LTBP2: variants seen among roughly 807,000 people sequenced by gnomAD.
The protein encoded by LTBP2 is latent-transforming growth factor beta-binding protein 2.
LTBP2 carries 103 observed loss-of-function variants against 210.6 expected under a neutral mutation model. The observed-to-expected ratio is 0.49, with a 90% CI of 0.42 to 0.58. The LOEUF is 0.58. Ranked by LOEUF, LTBP2 falls within the 20% of genes least tolerant of loss-of-function variation. The probability of loss-of-function intolerance (pLI) is 0.00; values close to 1 mark genes in which losing one functional copy is unlikely to be tolerated. For synonymous variants in LTBP2, 1,007 were observed against 1,015.0 expected (o/e 0.99, Z 0.15); for missense variants, 2,313 against 2,494.5 (o/e 0.93, Z 1.55).
intron 3 of LTBP2, among the ~76,000 whole-genome samples, chr14:74,570,484 C>A (rs2087960850): frequency 1.3e-5 from 2 of 152,224 alleles, no homozygotes; most frequent in South Asian, 4.1e-4. Flanking sequence ...TTTCCGCTCT[C>A]ACAGGGGCTG....
intron 5 of LTBP2, among the ~76,000 whole-genome samples, 171 bp downstream of exon 5, chr14:74,552,721 A>G (rs2087676820): frequency 6.9e-6 from 1 of 145,588 alleles, no homozygotes; most frequent in African/African-American, 2.8e-5. Flanking sequence ...TGTGACTCCT[A>G]GAGTCACACA....
In LTBP2 at chr14:74,536,072, G is replaced by A. The variant is rs4899522; in HGVS notation, c.1790-72C>T. 0.34 allele frequency: 461,494 copies of A among 1,366,962 alleles called. 80,239 individuals carry two copies. Among genetic ancestry groups the A allele is most frequent in the East Asian group, 0.37 (16,175 of 43,212 alleles). The allele number at this position is 1,366,962 out of a possible 1,614,324, so 84.7% of individuals were successfully genotyped here. On this transcript the variant is annotated intron_variant, in intron 8 of 35. Transcript: ENST00000261978. ...TCCTCTGTCACCCATGCTGGGAAGC[G>A]GGTGCAGTCTGGATGTCCAGCCCAC...
intron 28 of LTBP2, among the ~76,000 whole-genome samples, chr14:74,505,442 T>C (rs750304524): frequency 4.6e-5 from 7 of 152,286 alleles, no homozygotes; most frequent in Non-Finnish European, 7.4e-5. Flanking sequence ...TGACCCCAGT[T>C]CCTCCTCCCC....
chr14:74,564,141 A>G (rs1343980203), intron 3 of LTBP2, among the ~76,000 whole-genome samples: 5 of 30,624 alleles, frequency 1.6e-4, no homozygotes, highest in Non-Finnish European at 2.3e-4. Context: ...ATATATTTAT[A>G]TATATATATT....
At chr14:74,565,884 T>TTCTA (rs1485287154) in intron 3 of LTBP2, among the ~76,000 whole-genome samples, 42 of 152,150 alleles carry the variant, frequency 2.8e-4, no homozygotes, top group African/African-American at 9.9e-4. Context: ...ATGGTCTCAG[T>TTCTA]TCTAAGTCTT....
intron 2 of LTBP2, among the ~76,000 whole-genome samples, chr14:74,600,630 C>T (rs2088433719): frequency 6.6e-6 from 1 of 152,142 alleles, no homozygotes; most frequent in African/African-American, 2.4e-5. Context: ...ACCCCTGGGG[C>T]AGCTGGGGAA....
intron 8 of LTBP2, among the ~76,000 whole-genome samples, chr14:74,541,687 G>T (rs1409776801): frequency 6.6e-6 from 1 of 151,902 alleles, no homozygotes; most frequent in East Asian, 1.9e-4. Context: ...GGAGGTACCT[G>T]CCCAGTAGAA....
chr14:74,513,190 G>T (rs773533018), intron 18 of LTBP2, among the ~76,000 whole-genome samples: 1 of 152,188 alleles, frequency 6.6e-6, no homozygotes, highest in African/African-American at 2.4e-5. Context: ...TCTTGGAGGT[G>T]GTGTGTGTAG....
At chr14:74,504,950 C>T (rs776546622) in intron 29 of LTBP2, 33 bp downstream of exon 29, 2 of 1,274,686 alleles carry the variant, frequency 1.6e-6, no homozygotes, top group Admixed American at 1.8e-5. Flanking sequence ...GCAGAGCTGA[C>T]CCTTCGAGGA....
intron 17 of LTBP2, 112 bp downstream of exon 17, chr14:74,521,799 C>G (rs2087205833): frequency 1.2e-5 from 17 of 1,423,962 alleles, no homozygotes; most frequent in Non-Finnish European, 1.6e-5. Flanking sequence ...ACTCCTTCAG[C>G]TGCCCACTCC....
intron 17 of LTBP2, among the ~76,000 whole-genome samples, chr14:74,518,297 A>G (rs777667885): frequency 9.2e-5 from 14 of 152,176 alleles, no homozygotes; most frequent in Non-Finnish European, 1.9e-4. Flanking sequence ...AGCTATTATT[A>G]TCCTAGTGTT....
intron 8 of LTBP2, among the ~76,000 whole-genome samples, chr14:74,542,120 C>T (rs2087515345): frequency 6.6e-6 from 1 of 152,182 alleles, no homozygotes; most frequent in South Asian, 2.1e-4. Context: ...ACCTGAACTC[C>T]AAGGAGTTCA....
At chr14:74,539,447 C>T (rs1206119016) in intron 8 of LTBP2, among the ~76,000 whole-genome samples, 1 of 152,176 alleles carries the variant, frequency 6.6e-6, no homozygotes, top group Non-Finnish European at 1.5e-5. Context: ...TAGCTCACAC[C>T]TGTAATCCCA....
intron 3 of LTBP2, among the ~76,000 whole-genome samples, chr14:74,578,026 G>A (rs2088083891): frequency 6.6e-6 from 1 of 151,934 alleles, no homozygotes; most frequent in South Asian, 2.1e-4. Flanking sequence ...GGAACAAGCA[G>A]AAGGCCCGCA....
In LTBP2 at chr14:74,586,074, G is replaced by A; in HGVS notation, c.610C>T (p.Pro204Ser). Residue 204 changes from proline to serine, a missense_variant, in exon 3 of 36, where the codon CCG becomes TCG. Pro to Ser is a moderately conservative substitution (Grantham distance 74, BLOSUM62 -1). Coordinates refer to ENST00000261978, the MANE Select transcript of LTBP2 (RefSeq NM_000428.3). This position sits in a 1 kb window ranked among gnomAD's most constrained non-coding sequence, Gnocchi z 4.6. ...CCAGAGCGGCAGACACAGAGCTGCG[G>A]GCGGCTGCAGGAGCCCCGGTTCTGG... The part of the protein sequence containing the change: ...PCQNRGSCSR[P>S]QLCVCRSGFR... 6.2e-7 allele frequency: 1 copy of A among 1,600,500 alleles called. No homozygotes were observed. The highest frequency in any genetic ancestry group is 8.5e-7 in the Non-Finnish European group (1 of 1,174,048).
At position 74,505,503 on chromosome 14, in the gene LTBP2, C is replaced by T. The variant is rs115596452; in HGVS notation, c.4178-329G>A. ...CTGCCTCCCTGGGACGGGCTGCCCC[C>T]AGTGCCTGGCATGCCATATGGGCAG... On this transcript the variant is annotated intron_variant, in intron 28 of 35. Coordinates refer to ENST00000261978, the MANE Select transcript of LTBP2 (RefSeq NM_000428.3). Among the ~76,000 whole-genome samples, 400 of 152,308 alleles carry T rather than the reference C, an allele frequency of 2.6e-3. 1 individual carries two copies. The highest frequency in any genetic ancestry group is 9.1e-3 in the African/African-American group (380 of 41,568).
Position 74,552,253 on chromosome 14 carries a change from G to T in LTBP2, c.1333C>A (p.Pro445Thr). The T allele has an allele frequency of 6.2e-7, 1 of 1,613,160 alleles. No homozygotes were observed. Among genetic ancestry groups the T allele is most frequent in the Non-Finnish European group, 8.5e-7 (1 of 1,179,896 alleles). The change falls in exon 6 of 36, where the codon CCC becomes ACC. Residue 445 changes from proline to threonine, a missense_variant. Around this residue, in one of 3 missense-constraint regions of LTBP2, gnomAD observed 1,867 missense variants for 1,976.9 expected, o/e 0.94. Transcript: ENST00000261978. ...AGTGGGGCTTCCAGCAAGGCCCTGGGGCGGGACCCCCTCCCTGGAGGCTCC... is the reference window on the plus strand; with the variant it reads ...AGTGGGGCTTCCAGCAAGGCCCTGGTGCGGGACCCCCTCCCTGGAGGCTCC... ...DREPPGRGSR[P>T]RALLEAPLKQ...
chr14:74,609,995 A>C (rs1459357951), intron 1 of LTBP2, among the ~76,000 whole-genome samples: 1 of 152,224 alleles, frequency 6.6e-6, no homozygotes, highest in Non-Finnish European at 1.5e-5. Flanking sequence ...GCGACTTGGC[A>C]GTGCATGGGT....
At chr14:74,560,805 T>A (rs1440253011) in intron 3 of LTBP2, among the ~76,000 whole-genome samples, 1 of 152,226 alleles carries the variant, frequency 6.6e-6, no homozygotes, top group East Asian at 1.9e-4. Context: ...TGACAACTAT[T>A]AGCATTTGCA....
Sources: allele counts gnomAD v4.1 joint callset (sites outside exome capture counted in the v4.1 genomes callset), GRCh38; gene constraint gnomAD v4.1.1; regional missense constraint gnomAD v4.1.1; non-coding constraint Gnocchi (gnomAD v3.1); transcripts MANE v1.5; gene names NCBI Gene and HGNC (gene_info 2026-07-23, HGNC 2026-07-21).